The following CPB2 variants were observed in gnomAD, a reference collection of about 807,000 sequenced individuals.
CPB2 encodes carboxypeptidase B2.
Under a neutral mutation model 57.0 loss-of-function variants are expected in CPB2, and 54 were observed. That is an observed-to-expected ratio of 0.95 (90% CI 0.76 to 1.19). The LOEUF (loss-of-function observed/expected upper bound fraction) is 1.19. Ranked by LOEUF, CPB2 falls within the 50% of genes most tolerant of loss-of-function variation. The pLI is 0.00. For missense variants in CPB2, 426 were observed against 512.0 expected (o/e 0.83, Z 1.62); for synonymous variants, 189 against 178.1 (o/e 1.06, Z -0.49).
chr13:46,055,645 G>A, intron 10 of CPB2, 117 bp downstream of exon 10: 1 of 498,886 alleles, frequency 2.0e-6, no homozygotes, highest in Non-Finnish European at 3.6e-6. Flanking sequence ...TTACAATTCA[G>A]TTGTATTACA....
Position 46,078,695 on chromosome 13 carries a change from T to C in CPB2, c.486+105A>G, listed in dbSNP as rs545416680. 19 of 776,172 alleles carry C rather than the reference T, an allele frequency of 2.4e-5. No individual in the cohort carries two copies. In the African/African-American group the frequency reaches 2.8e-4, roughly 11 times the overall value. The allele number at this position is 776,172 out of a possible 1,614,324, so 48.1% of individuals were successfully genotyped here. On this transcript the variant is annotated intron_variant, in intron 5 of 10. Transcript: ENST00000181383. ...AGTTGAGGAACACTTGTAATGCAAA[T>C]ATTTTCAGAACTCAAAGGAAACAAA...
chr13:46,091,428 A>G (rs1028645777), intron 1 of CPB2, among the ~76,000 whole-genome samples: 1 of 152,202 alleles, frequency 6.6e-6, no homozygotes. Flanking sequence ...GATAAAATGC[A>G]TGATTCCTAA....
chr13:46,079,505 T>C (rs1022575898), intron 4 of CPB2, among the ~76,000 whole-genome samples: 1 of 139,590 alleles, frequency 7.2e-6, no homozygotes, highest in African/African-American at 2.7e-5. Context: ...GTATTTGAGG[T>C]TCTGTCAAGA....
chr13:46,057,289 C>G (rs1489356387), intron 9 of CPB2, among the ~76,000 whole-genome samples: 1 of 152,066 alleles, frequency 6.6e-6, no homozygotes, highest in African/African-American at 2.4e-5. Flanking sequence ...GCTCAAGTAT[C>G]AAGTACATTT....
chr13:46,095,613 A>T (rs2139419731), intron 1 of CPB2, among the ~76,000 whole-genome samples: 1 of 152,338 alleles, frequency 6.6e-6, no homozygotes, highest in Admixed American at 6.5e-5. Context: ...GCATCAGAAC[A>T]GTTAACATCC....
intron 6 of CPB2, among the ~76,000 whole-genome samples, chr13:46,069,988 A>G (rs2044914511): frequency 6.6e-6 from 1 of 152,242 alleles, no homozygotes; most frequent in African/African-American, 2.4e-5. Flanking sequence ...CATGGCAAGT[A>G]ACATAACTGA....
chr13:46,084,223 A>G lies in CPB2; in HGVS notation c.271T>C (p.Cys91Arg). Residue 91 changes from cysteine (C) to arginine (R), a missense_variant, in exon 3 of 11, where the codon TGC becomes CGC. Physicochemically the swap from Cys to Arg is radical, Grantham distance 180 (BLOSUM62 -3). Coordinates refer to ENST00000181383, the MANE Select transcript of CPB2 (RefSeq NM_001872.5). ...TACGTATTGAACGGTGCCTACCTGC[A>G]TGGAATTCCGCTCACATTTAAATGG... Reference protein sequence around the residue: ...KAHLNVSGIPCSVLLADVEDL... With the variant: ...KAHLNVSGIPRSVLLADVEDL... 1 of 1,614,154 alleles carries G rather than the reference A, an allele frequency of 6.2e-7. No individual in the cohort carries two copies. The highest frequency in any genetic ancestry group is 8.5e-7 in the Non-Finnish European group (1 of 1,179,990).
At chr13:46,087,584 G>A (rs2045229614) in intron 2 of CPB2, among the ~76,000 whole-genome samples, 161 bp downstream of exon 2, 1 of 152,172 alleles carries the variant, frequency 6.6e-6, no homozygotes, top group Admixed American at 6.5e-5. Context: ...TGTTGATTTG[G>A]GGAACCAACA....
chr13:46,068,222 T>C (rs1274753412), intron 6 of CPB2, among the ~76,000 whole-genome samples: 1 of 152,238 alleles, frequency 6.6e-6, no homozygotes, highest in Non-Finnish European at 1.5e-5. Flanking sequence ...AAATATTTAA[T>C]TTAGTTTATA....
chr13:46,104,064 C>T lies in CPB2; in HGVS notation c.74+872G>A, dbSNP rs17844155. Among the ~76,000 whole-genome samples, 851 of 152,320 alleles carry T rather than the reference C, an allele frequency of 5.6e-3. 15 individuals are homozygous for T. Among genetic ancestry groups the T allele is most frequent in the African/African-American group, 0.019 (796 of 41,576 alleles). ...AGGCTCACAAGTCAAGATCTATTTT[C>T]CAAACCATTGTCCTATGGTTATTTA... On this transcript the variant is annotated intron_variant, in intron 1 of 10. Coordinates refer to ENST00000181383, the MANE Select transcript of CPB2 (RefSeq NM_001872.5).
chr13:46,099,370 T>C (rs1462249538), intron 1 of CPB2: 2 of 152,136 alleles, frequency 1.3e-5, no homozygotes, highest in Admixed American at 6.5e-5. Context: ...TAAAAGTTGG[T>C]TGGGCATGAT....
At chr13:46,090,782 G>A (rs2045281937) in intron 1 of CPB2, among the ~76,000 whole-genome samples, 1 of 150,512 alleles carries the variant, frequency 6.6e-6, no homozygotes, top group African/African-American at 2.4e-5. Context: ...GGAGTGCAGT[G>A]GCGCCATCTC....
chr13:46,093,150 C>A (rs1032600719), intron 1 of CPB2, among the ~76,000 whole-genome samples: 4 of 152,048 alleles, frequency 2.6e-5, no homozygotes, highest in Non-Finnish European at 4.4e-5. Flanking sequence ...TGACCTCAGA[C>A]AATCCACCCG....
At chr13:46,058,554 A>C (rs1300483810) in intron 8 of CPB2, among the ~76,000 whole-genome samples, 173 bp from the exon 9 acceptor site, 1 of 152,212 alleles carries the variant, frequency 6.6e-6, no homozygotes, top group Middle Eastern at 3.2e-3. Context: ...TTTTGAAGTC[A>C]AATACTTATC....
At chr13:46,091,211 T>C (rs540771153) in intron 1 of CPB2, among the ~76,000 whole-genome samples, 3 of 152,360 alleles carry the variant, frequency 2.0e-5, no homozygotes, top group East Asian at 3.9e-4. Context: ...GGGGGGATAT[T>C]TCTCTTTGCA....
At chr13:46,070,860 A>T (rs1442928003) in intron 6 of CPB2, among the ~76,000 whole-genome samples, 1 of 152,216 alleles carries the variant, frequency 6.6e-6, no homozygotes, top group Non-Finnish European at 1.5e-5. Context: ...CCAAAATTGT[A>T]TGTCAGCCTA....
At chr13:46,061,076 AAT>A (rs1168018464) in intron 8 of CPB2, among the ~76,000 whole-genome samples, 3 of 152,152 alleles carry the variant, frequency 2.0e-5, no homozygotes, top group African/African-American at 7.2e-5. Flanking sequence ...AATAAGTAAA[AAT>A]CTCTCTTTGG....
At chr13:46,066,610 C>T (rs1030682404) in intron 7 of CPB2, among the ~76,000 whole-genome samples, 3 of 151,968 alleles carry the variant, frequency 2.0e-5, no homozygotes, top group African/African-American at 7.3e-5. Context: ...GTTGGGAGGC[C>T]GAGGCAGGTG....
At chr13:46,067,100 A>G (rs1365143276) in intron 7 of CPB2, among the ~76,000 whole-genome samples, 4 of 152,224 alleles carry the variant, frequency 2.6e-5, no homozygotes, top group African/African-American at 9.6e-5. Context: ...TGAGTTAATT[A>G]TTGTTGAAGC....
Sources: gnomAD v4.1 joint callset for allele counts (sites outside exome capture counted in the v4.1 genomes callset) on GRCh38, gnomAD v4.1.1 for gene constraint, MANE v1.5 for transcripts, NCBI Gene and HGNC (gene_info 2026-07-23, HGNC 2026-07-21) for gene names.